The following PDE10A variants were observed in gnomAD, a reference collection of about 807,000 sequenced individuals.
The protein encoded by PDE10A is cAMP and cAMP-inhibited cGMP 3',5'-cyclic phosphodiesterase 10A.
In PDE10A, 39 loss-of-function variants were observed where a neutral mutation model predicts 97.7. The observed-to-expected ratio is 0.40, with a 90% CI of 0.31 to 0.52. PDE10A has a LOEUF of 0.52. Ranked by LOEUF, PDE10A falls within the 20% of genes least tolerant of loss-of-function variation. The pLI, the probability that PDE10A is intolerant of heterozygous loss-of-function variation, is 0.56. For synonymous variants in PDE10A, 371 were observed against 376.8 expected, an observed-to-expected ratio of 0.98 and a Z score of 0.18; for missense variants, 731 against 1,047.8, an observed-to-expected ratio of 0.70 and a Z score of 4.17.
At chr6:165,828,343 A>G (rs7765866) in intron 1 of PDE10A, among the ~76,000 whole-genome samples, 3,041 of 152,350 alleles carry the variant, frequency 0.02, 50 homozygotes, top group South Asian at 0.082. Flanking sequence ...AAAAGTATTC[A>G]ATGCCCATTT....
intron 2 of PDE10A, among the ~76,000 whole-genome samples, chr6:165,505,142 AAT>A (rs1399200210): frequency 6.6e-6 from 1 of 152,208 alleles, no homozygotes; most frequent in Non-Finnish European, 1.5e-5. Context: ...TAAGTCACCT[AAT>A]ATGTTTCTTT....
intron 1 of PDE10A, among the ~76,000 whole-genome samples, chr6:165,972,467 T>C (rs995701533): frequency 6.6e-6 from 1 of 152,142 alleles, no homozygotes; most frequent in Non-Finnish European, 1.5e-5. Context: ...AAAAAATTAT[T>C]TGTGAAACAC....
At chr6:165,642,967 G>GAAT (rs1330396319) in intron 1 of PDE10A, among the ~76,000 whole-genome samples, 1 of 152,056 alleles carries the variant, frequency 6.6e-6, no homozygotes, top group Non-Finnish European at 1.5e-5. Flanking sequence ...TGGAGCTGAG[G>GAAT]AATAGTTCAC....
chr6:165,789,852 C>T lies in PDE10A; in HGVS notation c.-615+197677G>A, dbSNP rs183049360. Among the ~76,000 whole-genome samples the T allele has an allele frequency of 2.0e-5, 3 of 152,164 alleles. No homozygotes were observed. In the East Asian group the frequency reaches 5.8e-4, roughly 29 times the overall value. On this transcript the variant is annotated intron_variant, in intron 1 of 19. Coordinates refer to the PDE10A transcript ENST00000366882. The stretch of plus-strand genomic sequence containing the variant: ...ATGGAAAAAATATATATGGTTTACT[C>T]ATGGTCACTATAATATTGATAGTTT...
At chr6:165,830,859 G>T (rs1259593837) in intron 1 of PDE10A, among the ~76,000 whole-genome samples, 3 of 152,078 alleles carry the variant, frequency 2.0e-5, no homozygotes, top group African/African-American at 7.2e-5. Flanking sequence ...AAATCCAAAA[G>T]CTGATTTTAA....
chr6:165,477,733 A>C (rs1236987101), intron 3 of PDE10A, among the ~76,000 whole-genome samples: 1 of 152,210 alleles, frequency 6.6e-6, no homozygotes, highest in East Asian at 1.9e-4. Context: ...AGAAATAAAT[A>C]ATATGTTAGA....
intron 1 of PDE10A, among the ~76,000 whole-genome samples, chr6:165,979,133 C>T (rs550284622): frequency 6.6e-6 from 1 of 152,208 alleles, no homozygotes; most frequent in Admixed American, 6.5e-5. Flanking sequence ...GGGCTAGCTC[C>T]GAGTGTGTCT....
intron 1 of PDE10A, among the ~76,000 whole-genome samples, chr6:165,715,459 C>T (rs374301364): frequency 6.6e-6 from 1 of 152,170 alleles, no homozygotes; most frequent in African/African-American, 2.4e-5. Context: ...AATCGACCAT[C>T]CAGCAGGTTC....
chr6:165,518,750 C>T (rs568114102), intron 2 of PDE10A, among the ~76,000 whole-genome samples: 5 of 152,184 alleles, frequency 3.3e-5, no homozygotes, highest in Middle Eastern at 3.4e-3. Context: ...TCCATGAAAC[C>T]GTGAAGAAGG....
chr6:165,681,842 C>T (rs1175879908), intron 1 of PDE10A, among the ~76,000 whole-genome samples: 1 of 152,104 alleles, frequency 6.6e-6, no homozygotes, highest in East Asian at 1.9e-4. Context: ...GTGAGAAGCT[C>T]AGAGAGGCTC....
chr6:165,632,080 A>G (rs995213276), intron 1 of PDE10A, among the ~76,000 whole-genome samples: 38 of 151,060 alleles, frequency 2.5e-4, no homozygotes, highest in Non-Finnish European at 4.1e-4. Context: ...CATGCCTGTA[A>G]TTTCAGCTAC....
intron 1 of PDE10A, among the ~76,000 whole-genome samples, chr6:165,562,330 G>A: frequency 6.6e-6 from 1 of 152,032 alleles, no homozygotes; most frequent in East Asian, 1.9e-4. Context: ...TAATGAATTA[G>A]ACTTAAGTAG....
At chr6:165,611,779 A>G (rs1214412175) in intron 1 of PDE10A, among the ~76,000 whole-genome samples, 1 of 152,254 alleles carries the variant, frequency 6.6e-6, no homozygotes, top group Non-Finnish European at 1.5e-5. Context: ...ATTGCATACA[A>G]CCATAAGTAT....
At chr6:165,919,859 A>G (rs1782708187) in intron 1 of PDE10A, among the ~76,000 whole-genome samples, 1 of 152,254 alleles carries the variant, frequency 6.6e-6, no homozygotes, top group African/African-American at 2.4e-5. Flanking sequence ...GTCAGACGGA[A>G]GCAGAACGTG....
chr6:165,895,912 C>T (rs1310667641), intron 1 of PDE10A, among the ~76,000 whole-genome samples: 5 of 152,156 alleles, frequency 3.3e-5, no homozygotes, highest in Non-Finnish European at 7.3e-5. Context: ...TGCACAATCC[C>T]ACCTCCAGGG....
In PDE10A at chr6:165,874,585, G is replaced by A. The variant is rs117094370; in HGVS notation, c.-615+112944C>T. Among the ~76,000 whole-genome samples, 194 of 152,044 alleles carry A rather than the reference G, an allele frequency of 1.3e-3. 1 individual carries two copies. In the East Asian group the frequency reaches 0.029, roughly 23 times the overall value. ...CAAAACAGTTTTAAAATCAGTAAGC[G>A]TTACACAAATAATGGTGCTTATTGA... On this transcript the variant is annotated intron_variant, in intron 1 of 19. Coordinates refer to the PDE10A transcript ENST00000366882.
At chr6:165,429,569 C>G (rs1789406333) in intron 9 of PDE10A, among the ~76,000 whole-genome samples, 1 of 152,040 alleles carries the variant, frequency 6.6e-6, no homozygotes, top group Non-Finnish European at 1.5e-5. Context: ...TGAAACATAA[C>G]ATGTCATCGT....
chr6:165,568,775 T>C (rs1784914464), intron 1 of PDE10A, among the ~76,000 whole-genome samples: 2 of 152,196 alleles, frequency 1.3e-5, no homozygotes, highest in Non-Finnish European at 2.9e-5. Context: ...AAAGGTATGC[T>C]GAGCTTGCTA....
At chr6:165,361,435 CAT>C (rs1783418037) in intron 18 of PDE10A, among the ~76,000 whole-genome samples, 1 of 152,216 alleles carries the variant, frequency 6.6e-6, no homozygotes, top group South Asian at 2.1e-4. Context: ...AACATATTCT[CAT>C]ATGACTATTA....
Sources: gnomAD v4.1 joint callset for allele counts (sites outside exome capture counted in the v4.1 genomes callset) on GRCh38, gnomAD v4.1.1 for gene constraint, MANE v1.5 for transcripts, NCBI Gene and HGNC (gene_info 2026-07-23, HGNC 2026-07-21) for gene names.